FAM221B: variants seen among roughly 807,000 people sequenced by gnomAD.
FAM221B encodes the protein protein FAM221B.
In FAM221B, 35 loss-of-function variants were observed where a neutral mutation model predicts 39.8. That is an observed-to-expected ratio of 0.88 (90% confidence interval 0.67 to 1.17). The LOEUF is 1.17. Ranked by LOEUF, FAM221B falls within the 50% of genes most tolerant of loss-of-function variation. FAM221B has a pLI of 0.00. For synonymous variants in FAM221B, 158 were observed against 178.1 expected (o/e 0.89, Z 0.90); for missense variants, 479 against 503.1 (o/e 0.95, Z 0.46).
chr9:35,826,213 C>T (rs771136838), intron 1 of FAM221B, 52 bp from the exon 2 acceptor site: 26 of 1,402,440 alleles, frequency 1.9e-5, no homozygotes, highest in South Asian at 1.4e-5. Context: ...AGAGGGCCGG[C>T]AAGTCAGGGC....
chr9:35,819,061 G>A (rs754969660), intron 5 of FAM221B, 52 bp from the exon 6 acceptor site: 1 of 1,548,864 alleles, frequency 6.5e-7, no homozygotes, highest in Admixed American at 2.0e-5. Flanking sequence ...GTATCCCCAG[G>A]AGCTGACCAC....
chr9:35,827,462 G>A (rs1378744040), intron 1 of FAM221B, among the ~76,000 whole-genome samples: 9 of 152,226 alleles, frequency 5.9e-5, no homozygotes, highest in Admixed American at 3.3e-4. Flanking sequence ...GAGTCTAGGA[G>A]AGAGACCGAT....
rs907535921 is a variant in FAM221B, at chr9:35,819,413, A to G, written c.854-19T>C. The stretch of plus-strand genomic sequence containing the variant: ...GATATGTCTGTGGGATTGGGGATGG[A>G]TGGTAGGGTTAATCTGATAGGACCT... On this transcript the variant is annotated intron_variant, in intron 4 of 6. Transcript: ENST00000423537. The G allele has an allele frequency of 6.5e-7, 1 of 1,548,162 alleles. No individual in the cohort carries two copies. Among genetic ancestry groups the G allele is most frequent in the African/African-American group, 1.4e-5 (1 of 72,904 alleles).
Position 35,816,713 on chromosome 9 carries a change from A to G in FAM221B, c.*1756T>C, listed in dbSNP as rs1207516325. ...GGGGAACTTTGCTTCTAGAGATATA[A>G]CAATCTCTTTTGTATAGCTATATTA... On this transcript the variant is annotated 3_prime_UTR_variant, in exon 7 of 7. Coordinates refer to ENST00000423537, the MANE Select transcript of FAM221B (RefSeq NM_001012446.4). 6.6e-6 allele frequency: 1 copy of G among 152,226 alleles called. No individual in the cohort carries two copies. Among genetic ancestry groups the G allele is most frequent in the African/African-American group, 2.4e-5 (1 of 41,456 alleles). The allele number at this position is 152,226 out of a possible 1,614,324, so 9.4% of individuals were successfully genotyped here.
chr9:35,820,416 A>C (rs1487545301), intron 3 of FAM221B, among the ~76,000 whole-genome samples: 1 of 152,226 alleles, frequency 6.6e-6, no homozygotes, highest in Non-Finnish European at 1.5e-5. Flanking sequence ...GAAGTGTCTA[A>C]GGTGAGGGAA....
At chr9:35,819,136 C>T (rs1267384246) in intron 5 of FAM221B, 61 bp downstream of exon 5, 6 of 1,533,442 alleles carry the variant, frequency 3.9e-6, no homozygotes, top group Non-Finnish European at 5.3e-6. Flanking sequence ...ATCATTATCC[C>T]CAGATTGCAT....
At position 35,817,060 on chromosome 9, in the gene FAM221B, T is replaced by C. The variant is rs1178867481; in HGVS notation, c.*1409A>G. 6.6e-6 allele frequency: 1 copy of C among 152,238 alleles called. No individual in the cohort carries two copies. Among genetic ancestry groups the C allele is most frequent in the Non-Finnish European group, 1.5e-5 (1 of 68,056 alleles). The allele number at this position is 152,238 out of a possible 1,614,324, so 9.4% of individuals were successfully genotyped here. ...AAATTAGTTATTTCTTTGGTTCTCA[T>C]AGAAAGTAGGCAACACAGAGGTTAT... On this transcript the variant is annotated 3_prime_UTR_variant, in exon 7 of 7. Coordinates refer to ENST00000423537, the MANE Select transcript of FAM221B (RefSeq NM_001012446.4).
chr9:35,820,798 C>T (rs989965594), intron 3 of FAM221B, among the ~76,000 whole-genome samples: 4 of 152,100 alleles, frequency 2.6e-5, no homozygotes, highest in Non-Finnish European at 2.9e-5. Context: ...AGGTCACAAC[C>T]CTCGAGAGCT....
In FAM221B at chr9:35,825,121, C is replaced by T; in HGVS notation, c.742+109G>A. 7.6e-7 allele frequency: 1 copy of T among 1,322,536 alleles called. No homozygotes were observed. The highest frequency in any genetic ancestry group is 1.0e-6 in the Non-Finnish European group (1 of 960,520). The allele number at this position is 1,322,536 out of a possible 1,614,324, so 81.9% of individuals were successfully genotyped here. A position where few individuals can be genotyped will look rare whatever the true frequency, so the allele number is the denominator to read the frequency against. ...TCCTTTTCCAGGCAGGTGGTATAGC[C>T]ATTTCCAAAAGGGGAAGCTATCTGC... On this transcript the variant is annotated intron_variant, in intron 3 of 6. Coordinates refer to ENST00000423537, the MANE Select transcript of FAM221B (RefSeq NM_001012446.4). The surrounding 1 kb of genome is among the most constrained non-coding windows in gnomAD (Gnocchi z 4.2).
Position 35,819,912 on chromosome 9 carries a change from C to A in FAM221B, c.831G>T (p.Leu277Phe), listed in dbSNP as rs201127308. 3,577 of 1,613,856 alleles carry A rather than the reference C, an allele frequency of 2.2e-3. 10 individuals carry two copies. Among genetic ancestry groups the A allele is most frequent in the Non-Finnish European group, 2.7e-3 (3,148 of 1,179,774 alleles). Residue 277 changes from leucine (L) to phenylalanine (F), a missense_variant, in exon 4 of 7, where the codon TTG becomes TTT. Coordinates refer to ENST00000423537, the MANE Select transcript of FAM221B (RefSeq NM_001012446.4). The part of the protein sequence containing the change: ...DESRCFCGHL[L>F]REHRIISDIS... ...TACCTGAGATGATCCGGTGCTCTCT[C>A]AACAAGTGTCCACAAAAGCATCTGG... is the stretch of plus-strand genomic sequence containing the variant.
rs1408195861 is a variant in FAM221B, at chr9:35,818,487, G to C, written c.1191C>G (p.Asn397Lys). Residue 397 changes from asparagine (N) to lysine (K), a missense_variant, in exon 7 of 7, where the codon AAC becomes AAG. Transcript: ENST00000423537. ...GRPRGTDTVS[N>K]WHRPL is the part of the protein sequence containing the mutation. ...GCCAGACTCACAAAGGCCTGTGCCA[G>C]TTGCTGACAGTGTCTGTCCCTGGAG... 5.2e-6 allele frequency: 8 copies of C among 1,551,654 alleles called. No individual in the cohort carries two copies. In the Admixed American group the frequency reaches 5.9e-5, roughly 11 times the overall value.
In FAM221B at chr9:35,816,756, C is replaced by T. The variant is rs1055790802; in HGVS notation, c.*1713G>A. 7 of 152,228 alleles carry T rather than the reference C, an allele frequency of 4.6e-5. No homozygotes were observed. Among genetic ancestry groups the T allele is most frequent in the African/African-American group, 1.7e-4 (7 of 41,450 alleles). 9.4% of individuals were successfully genotyped at this position (152,228 alleles called of 1,614,324 possible). On this transcript the variant is annotated 3_prime_UTR_variant, in exon 7 of 7. Transcript: ENST00000423537. ...CTATATTATTGTTAGAAAATCCTTTCTCCTCTAAAGGGCAGACATTTGATT... is the reference window on the plus strand; with the variant it reads ...CTATATTATTGTTAGAAAATCCTTTTTCCTCTAAAGGGCAGACATTTGATT...
In FAM221B at chr9:35,825,583, G is replaced by C. The variant is rs538950774; in HGVS notation, c.579C>G (p.Ala193=). ...VDASDSTAHT[A]QPGHQLGNTA... ...TCTTGCCTAGTTGGTGTCCAGGTTG[G>C]GCTGTGTGAGCAGTGCTGTCACTGG... is the stretch of plus-strand genomic sequence containing the variant. Residue 193 remains alanine (A), a synonymous_variant, in exon 2 of 7, where the codon GCC becomes GCG. Transcript: ENST00000423537. The surrounding 1 kb of genome is among the most constrained non-coding windows in gnomAD (Gnocchi z 4.2). 6.2e-7 allele frequency: 1 copy of C among 1,612,518 alleles called. No individual in the cohort carries two copies. The highest frequency in any genetic ancestry group is 8.5e-7 in the Non-Finnish European group (1 of 1,179,142).
At chr9:35,818,620 G>C in intron 6 of FAM221B, 114 bp from the exon 7 acceptor site, 1 of 1,123,330 alleles carries the variant, frequency 8.9e-7, no homozygotes, top group Non-Finnish European at 1.3e-6. Flanking sequence ...GAGCTGGGAA[G>C]GCCAGAGGGC....
In FAM221B at chr9:35,825,577, A is replaced by G; in HGVS notation, c.585T>C (p.Pro195=). ...TCTTCTTCTTGCCTAGTTGGTGTCC[A>G]GGTTGGGCTGTGTGAGCAGTGCTGT... is the stretch of plus-strand genomic sequence containing the variant. The part of the protein sequence containing the change: ...ASDSTAHTAQ[P]GHQLGNTARP... Residue 195 remains proline (P), a synonymous_variant, in exon 2 of 7, where the codon CCT becomes CCC. Transcript: ENST00000423537. The surrounding 1 kb of genome is among the most constrained non-coding windows in gnomAD (Gnocchi z 4.2). 6.2e-7 allele frequency: 1 copy of G among 1,611,676 alleles called. No individual in the cohort carries two copies. The highest frequency in any genetic ancestry group is 8.5e-7 in the Non-Finnish European group (1 of 1,178,746).
rs775686920 is a variant in FAM221B at position 35,819,752 on chromosome 9, G to A, written c.853+138C>T. On this transcript the variant is annotated intron_variant, in intron 4 of 6. Transcript: ENST00000423537. ...CGATCTCCTGACCTTTGATCCACCCGCCTCCGCCTCCCAAAGTGCTGGGAT... is the reference window on the plus strand; with the variant it reads ...CGATCTCCTGACCTTTGATCCACCCACCTCCGCCTCCCAAAGTGCTGGGAT... 1.7e-4 allele frequency: 110 copies of A among 640,894 alleles called. No homozygotes were observed. Among genetic ancestry groups the A allele is most frequent in the Middle Eastern group, 2.9e-4 (1 of 3,482 alleles). The allele number at this position is 640,894 out of a possible 1,614,324, so 39.7% of individuals were successfully genotyped here.
rs1432041234 is a variant in FAM221B at position 35,826,105 on chromosome 9, G to C, written c.57C>G (p.His19Gln). 14 of 1,611,578 alleles carry C rather than the reference G, an allele frequency of 8.7e-6. No individual in the cohort carries two copies. The highest frequency in any genetic ancestry group is 1.1e-5 in the South Asian group (1 of 90,846). Residue 19 changes from histidine (H) to glutamine (Q), a missense_variant, in exon 2 of 7, where the codon CAC becomes CAG. Transcript: ENST00000423537. ...CAGCAGAGGGGTCCTTTGAAGGGGG[G>C]TGCTTCTCTGCATCCATGGTGATAT... is the stretch of plus-strand genomic sequence containing the variant. ...EPHITMDAEK[H>Q]PPSKDPSAED... is the part of the protein sequence containing the mutation.
chr9:35,818,244 G>A lies in FAM221B; in HGVS notation c.*225C>T. 1.8e-6 allele frequency: 1 copy of A among 570,882 alleles called. No homozygotes were observed. Among genetic ancestry groups the A allele is most frequent in the Non-Finnish European group, 3.1e-6 (1 of 317,776 alleles). 35.4% of individuals were successfully genotyped at this position (570,882 alleles called of 1,614,324 possible). ...CATCACTTCCCACTCTATCCTTCTT[G>A]AAACTTCCTCCCTTCTTGACTTCCT... On this transcript the variant is annotated 3_prime_UTR_variant, in exon 7 of 7. Transcript: ENST00000423537.
chr9:35,825,807 A>G lies in FAM221B; in HGVS notation c.355T>C (p.Ser119Pro), dbSNP rs1228167417. ...PPQSRDYVCL[S>P]SSDTLKEDLS... is the part of the protein sequence containing the mutation. Reference sequence around the variant, plus strand: ...TCTTCCTTCAGAGTATCAGAAGAAGACAGACAGACATAGTCTCGTGATTGG... The same window carrying G: ...TCTTCCTTCAGAGTATCAGAAGAAGGCAGACAGACATAGTCTCGTGATTGG... The change falls in exon 2 of 7, where the codon TCT becomes CCT. Residue 119 changes from serine (S) to proline (P), a missense_variant. Ser to Pro is a moderately conservative substitution (Grantham distance 74, BLOSUM62 -1). Coordinates refer to ENST00000423537, the MANE Select transcript of FAM221B (RefSeq NM_001012446.4). This position sits in a 1 kb window ranked among gnomAD's most constrained non-coding sequence, Gnocchi z 4.2. 2 of 1,614,186 alleles carry G rather than the reference A, an allele frequency of 1.2e-6. No individual in the cohort carries two copies. Among genetic ancestry groups the G allele is most frequent in the African/African-American group, 2.7e-5 (2 of 75,038 alleles).
Sources: gnomAD v4.1 joint callset for allele counts (sites outside exome capture counted in the v4.1 genomes callset) on GRCh38, gnomAD v4.1.1 for gene constraint, Gnocchi (gnomAD v3.1) non-coding constraint, MANE v1.5 for transcripts, NCBI Gene and HGNC (gene_info 2026-07-23, HGNC 2026-07-21) for gene names.